ZNF268: variants seen among roughly 807,000 people sequenced by gnomAD.
ZNF268 encodes the protein zinc finger protein 268.
A neutral mutation model predicts 29.3 loss-of-function variants in ZNF268; 20 were observed. The ratio of observed to expected loss-of-function variants is 0.68; its 90% CI spans 0.48 to 0.99. The LOEUF (loss-of-function observed/expected upper bound fraction) is 0.99, where lower values mean the gene tolerates loss of function less well. ZNF268 is among the 50% of genes least tolerant of loss of function. The probability of loss-of-function intolerance (pLI) is 0.00; values close to 1 mark genes in which losing one functional copy is unlikely to be tolerated. For synonymous variants in ZNF268, 429 were observed against 376.9 expected (o/e 1.14, Z -1.60); for missense variants, 1,240 against 1,121.6 (o/e 1.11, Z -1.51).
Position 133,202,873 on chromosome 12 carries a change from C to A in ZNF268, c.1187C>A (p.Ala396Asp). The part of the protein sequence containing the change: ...KPYVCNECGK[A>D]FGLKSQLIIH... ...TATGTGTGTAATGAATGTGGGAAAG[C>A]TTTTGGTTTAAAATCACAGCTCATT... Residue 396 changes from alanine (A) to aspartate (D), a missense_variant, in exon 6 of 6, where the codon GCT (alanine) becomes GAT (aspartate). Physicochemically the swap from Ala to Asp is moderately radical, Grantham distance 126. Transcript: ENST00000536435. 9.0e-6 allele frequency: 14 copies of A among 1,564,048 alleles called. No homozygotes were observed. Among genetic ancestry groups the A allele is most frequent in the Non-Finnish European group, 1.2e-5 (14 of 1,158,200 alleles).
chr12:133,187,094 A>G lies in ZNF268; in HGVS notation c.34-778A>G, dbSNP rs1956340024. On this transcript the variant is annotated intron_variant, in intron 2 of 5. Coordinates refer to ENST00000536435, the MANE Select transcript of ZNF268 (RefSeq NM_003415.3). Reference sequence around the variant, plus strand: ...TTTTCAACCAGTTATGTAGTTACAGATATTTGGGTTATAAAAATGCCTTGG... The same window carrying G: ...TTTTCAACCAGTTATGTAGTTACAGGTATTTGGGTTATAAAAATGCCTTGG... 2.6e-5 allele frequency among the ~76,000 whole-genome samples: 4 copies of G among 152,228 alleles called. No individual in the cohort carries two copies. The South Asian group carries it at 8.3e-4, about 32-fold the overall frequency.
chr12:133,184,468 A>T (rs941493710), intron 2 of ZNF268, among the ~76,000 whole-genome samples: 5 of 152,138 alleles, frequency 3.3e-5, no homozygotes, highest in African/African-American at 1.2e-4. Flanking sequence ...GGGGGCAAAA[A>T]GGGAAGAATG....
Position 133,204,050 on chromosome 12 carries a change from T to G in ZNF268, c.2364T>G (p.Ala788=), listed in dbSNP as rs1230732804. 7 of 1,564,316 alleles carry G rather than the reference T, an allele frequency of 4.5e-6. No individual in the cohort carries two copies. The highest frequency in any genetic ancestry group is 6.0e-6 in the Non-Finnish European group (7 of 1,158,256). Residue 788 remains alanine (A), a synonymous_variant, in exon 6 of 6, where the codon GCT becomes GCG. Transcript: ENST00000536435. ...KPYGCSECGK[A]FSSKSYLIIH... ...ATGGGTGCAGTGAATGTGGGAAAGC[T>G]TTTAGCAGCAAGTCATACCTAATTA...
Position 133,203,523 on chromosome 12 carries a change from G to T in ZNF268, c.1837G>T (p.Glu613Ter). 1 of 1,547,554 alleles carries T rather than the reference G, an allele frequency of 6.5e-7. No individual in the cohort carries two copies. The highest frequency in any genetic ancestry group is 1.2e-5 in the South Asian group (1 of 84,556). The change falls in exon 6 of 6, where the codon GAA becomes TAA. Residue 613 changes from glutamate to a stop codon, truncating the protein, a stop_gained. Transcript: ENST00000536435. LOFTEE classifies it low-confidence loss of function (END_TRUNC). ...AACTCATACAGGGGAGAAACCATTT[G>T]AATGTAGTGAGTGTCAGAAAGCCTT... ...QRTHTGEKPF[E>*]CSECQKAFNT...
chr12:133,187,943 G>A lies in ZNF268; in HGVS notation c.105G>A (p.Leu35=). The part of the protein sequence containing the change: ...IRKLQGQESI[L]GQGTPGLQPL... The stretch of plus-strand genomic sequence containing the variant: ...AGCTCCAAGGTCAGGAATCCATCTT[G>A]GGCCAAGGGACTCCTGGTCTGCAAC... The change falls in exon 3 of 6, where the codon TTG becomes TTA. Residue 35 remains leucine, a synonymous_variant. Transcript: ENST00000536435. 1 of 1,600,268 alleles carries A rather than the reference G, an allele frequency of 6.2e-7. No homozygotes were observed. Among genetic ancestry groups the A allele is most frequent in the Non-Finnish European group, 8.5e-7 (1 of 1,173,306 alleles).
At position 133,202,873 on chromosome 12, in the gene ZNF268, C is replaced by G. The variant is rs1404868592; in HGVS notation, c.1187C>G (p.Ala396Gly). Reference sequence around the variant, plus strand: ...TATGTGTGTAATGAATGTGGGAAAGCTTTTGGTTTAAAATCACAGCTCATT... The same window carrying G: ...TATGTGTGTAATGAATGTGGGAAAGGTTTTGGTTTAAAATCACAGCTCATT... The part of the protein sequence containing the change: ...KPYVCNECGK[A>G]FGLKSQLIIH... Residue 396 changes from alanine to glycine, a missense_variant, in exon 6 of 6, where the codon GCT becomes GGT. Physicochemically the swap from Ala to Gly is moderately conservative, Grantham distance 60. Transcript: ENST00000536435. The G allele has an allele frequency of 4.5e-6, 7 of 1,563,928 alleles. No homozygotes were observed. Among genetic ancestry groups the G allele is most frequent in the Non-Finnish European group, 6.0e-6 (7 of 1,158,208 alleles).
chr12:133,205,971 T>G lies in ZNF268; in HGVS notation c.*1441T>G, dbSNP rs992487586. ...GCATGTTGATGTAATAAGTAGCTATTTCAATAGAGGTTCCCAGAACAGCTT... is the reference window on the plus strand; with the variant it reads ...GCATGTTGATGTAATAAGTAGCTATGTCAATAGAGGTTCCCAGAACAGCTT... On this transcript the variant is annotated 3_prime_UTR_variant, in exon 6 of 6. Coordinates refer to ENST00000536435, the MANE Select transcript of ZNF268 (RefSeq NM_003415.3). The G allele has an allele frequency of 2.0e-5, 3 of 152,224 alleles. No homozygotes were observed. Among genetic ancestry groups the G allele is most frequent in the Non-Finnish European group, 4.4e-5 (3 of 68,032 alleles). The allele number at this position is 152,224 out of a possible 1,614,324, so 9.4% of individuals were successfully genotyped here.
intron 5 of ZNF268, among the ~76,000 whole-genome samples, chr12:133,192,880 C>G (rs1183315727): frequency 6.6e-6 from 1 of 152,138 alleles, no homozygotes; most frequent in Non-Finnish European, 1.5e-5. Context: ...AGGATGGTCT[C>G]GATCTCCTGA....
intron 5 of ZNF268, among the ~76,000 whole-genome samples, chr12:133,193,695 C>T (rs1170845359): frequency 6.6e-6 from 1 of 152,214 alleles, no homozygotes; most frequent in Non-Finnish European, 1.5e-5. Flanking sequence ...AGAGGGGACA[C>T]ATTCAAACCT....
At position 133,203,180 on chromosome 12, in the gene ZNF268, A is replaced by G; in HGVS notation, c.1494A>G (p.Lys498=). The G allele has an allele frequency of 6.5e-7, 1 of 1,537,804 alleles. No homozygotes were observed. The highest frequency in any genetic ancestry group is 8.7e-7 in the Non-Finnish European group (1 of 1,146,830). The change falls in exon 6 of 6, where the codon AAA becomes AAG. Residue 498 remains lysine, a synonymous_variant. Coordinates refer to ENST00000536435, the MANE Select transcript of ZNF268 (RefSeq NM_003415.3). ...IVHQRSHTGM[K]PYVCNECGKA... ...ATCAGAGAAGTCACACAGGAATGAA[A>G]CCTTATGTATGCAATGAATGTGGCA...
rs1957031110 is a variant in ZNF268 at position 133,214,645 on chromosome 12, G to A, written c.*10115G>A. ...TGGTGGTTGTCAAGGGTCGGAGGGA[G>A]GATGAAATGTGTGACAGCTGCTTAA... On this transcript the variant is annotated 3_prime_UTR_variant, in exon 6 of 6. Coordinates refer to ENST00000536435, the MANE Select transcript of ZNF268 (RefSeq NM_003415.3). The A allele has an allele frequency of 6.6e-6, 1 of 152,234 alleles. No individual in the cohort carries two copies. Among genetic ancestry groups the A allele is most frequent in the Non-Finnish European group, 1.5e-5 (1 of 68,060 alleles). The allele number at this position is 152,234 out of a possible 1,614,324, so 9.4% of individuals were successfully genotyped here.
chr12:133,193,912 T>C (rs1029080073), intron 5 of ZNF268, among the ~76,000 whole-genome samples: 4 of 152,194 alleles, frequency 2.6e-5, no homozygotes, highest in Admixed American at 2.6e-4. Context: ...TTCTTCTCTT[T>C]GTTTATCCTG....
chr12:133,204,384 A>G lies in ZNF268; in HGVS notation c.2698A>G (p.Thr900Ala), dbSNP rs766791788. ...KPYGCNECGK[T>A]FSQKSILSAH... Reference sequence around the variant, plus strand: ...CTATGGGTGCAATGAATGTGGGAAAACCTTCTCTCAAAAATCAATTCTCAG... The same window carrying G: ...CTATGGGTGCAATGAATGTGGGAAAGCCTTCTCTCAAAAATCAATTCTCAG... The change falls in exon 6 of 6, where the codon ACC becomes GCC. Residue 900 changes from threonine to alanine, a missense_variant. Around this residue, in one of 3 missense-constraint regions of ZNF268, gnomAD observed 1,177 missense variants for 1,039.6 expected, o/e 1.13. Coordinates refer to ENST00000536435, the MANE Select transcript of ZNF268 (RefSeq NM_003415.3). 1.9e-6 allele frequency: 3 copies of G among 1,571,736 alleles called. No homozygotes were observed. Among genetic ancestry groups the G allele is most frequent in the Non-Finnish European group, 1.7e-6 (2 of 1,163,162 alleles).
At chr12:133,192,090 T>A in intron 5 of ZNF268, 87 bp downstream of exon 5, 3 of 1,119,800 alleles carry the variant, frequency 2.7e-6, no homozygotes, top group African/African-American at 1.6e-5. Context: ...GTACTTTGCC[T>A]CGTGTATTAC....
In ZNF268 at chr12:133,213,844, C is replaced by A. The variant is rs1171522675; in HGVS notation, c.*9314C>A. On this transcript the variant is annotated 3_prime_UTR_variant, in exon 6 of 6. Coordinates refer to ENST00000536435, the MANE Select transcript of ZNF268 (RefSeq NM_003415.3). ...GAAACCCTGTCTCTACAAAAAAATACAAAAAATTAGCCAGGCTGGTAGTGG... is the reference window on the plus strand; with the variant it reads ...GAAACCCTGTCTCTACAAAAAAATAAAAAAAATTAGCCAGGCTGGTAGTGG... The A allele has an allele frequency of 6.6e-6, 1 of 151,890 alleles. No homozygotes were observed. Among genetic ancestry groups the A allele is most frequent in the Non-Finnish European group, 1.5e-5 (1 of 68,002 alleles). The allele number at this position is 151,890 out of a possible 1,614,324, so 9.4% of individuals were successfully genotyped here.
At position 133,203,529 on chromosome 12, in the gene ZNF268, A is replaced by G; in HGVS notation, c.1843A>G (p.Ser615Gly). Residue 615 changes from serine to glycine, a missense_variant, in exon 6 of 6, where the codon AGT (serine) becomes GGT (glycine). This residue lies in a region of ZNF268 where 1,177 missense variants were observed against 1,039.6 expected (regional missense o/e 1.13). Transcript: ENST00000536435. Reference protein sequence around the residue: ...THTGEKPFECSECQKAFNTKS... With the variant: ...THTGEKPFECGECQKAFNTKS... ...TACAGGGGAGAAACCATTTGAATGT[A>G]GTGAGTGTCAGAAAGCCTTTAATAC... The G allele has an allele frequency of 6.5e-7, 1 of 1,548,718 alleles. No individual in the cohort carries two copies. Among genetic ancestry groups the G allele is most frequent in the Middle Eastern group, 1.7e-4 (1 of 6,006 alleles).
chr12:133,194,163 C>T (rs577962386), intron 5 of ZNF268, among the ~76,000 whole-genome samples: 3 of 152,238 alleles, frequency 2.0e-5, no homozygotes, highest in East Asian at 1.9e-4. Flanking sequence ...AATTCATCTT[C>T]GATGTTACTG....
At chr12:133,195,724 T>C (rs1246858049) in intron 5 of ZNF268, among the ~76,000 whole-genome samples, 1 of 151,736 alleles carries the variant, frequency 6.6e-6, no homozygotes, top group African/African-American at 2.4e-5. Context: ...GTTTTTGTTT[T>C]TGTTTTTTTT....
chr12:133,195,267 C>G (rs1339800568), intron 5 of ZNF268, among the ~76,000 whole-genome samples: 2 of 152,328 alleles, frequency 1.3e-5, no homozygotes, highest in Non-Finnish European at 2.9e-5. Context: ...GCTTCAGAAT[C>G]TCAATTCTCT....
Sources: gnomAD v4.1 joint callset for allele counts (sites outside exome capture counted in the v4.1 genomes callset) on GRCh38, gnomAD v4.1.1 for gene constraint, gnomAD v4.1.1 regional missense constraint, MANE v1.5 for transcripts, NCBI Gene and HGNC (gene_info 2026-07-23, HGNC 2026-07-21) for gene names.